The following PURG variants were observed in gnomAD, a reference collection of about 807,000 sequenced individuals.
The protein encoded by PURG is purine-rich element-binding protein gamma.
In PURG, 3 loss-of-function variants were observed where a neutral mutation model predicts 24.3. The observed-to-expected ratio is 0.12, with a 90% confidence interval of 0.06 to 0.32. PURG has a LOEUF of 0.32. PURG is among the 10% of genes least tolerant of loss of function. PURG has a pLI of 1.00. For synonymous variants in PURG, 180 were observed against 173.1 expected, an observed-to-expected ratio of 1.04 and a Z score of -0.31; for missense variants, 371 against 439.1, an observed-to-expected ratio of 0.84 and a Z score of 1.39.
rs1446521239 is a variant in PURG at position 31,032,368 on chromosome 8, C to T, written c.415G>A (p.Gly139Ser). 1.2e-6 allele frequency: 2 copies of T among 1,613,494 alleles called. No homozygotes were observed. Among genetic ancestry groups the T allele is most frequent in the South Asian group, 2.2e-5 (2 of 91,076 alleles). ...LGLKGHRQEH[G>S]HSKEQGSRRR... ...CTGGAGCCTTGCTCTTTGCTGTGGC[C>T]ATGCTCTTGCCGGTGGCCTTTCAGG... The change falls in exon 2 of 2, where the codon GGC (glycine) becomes AGC (serine). Residue 139 changes from glycine to serine, a missense_variant. By Grantham distance (56) the Gly-to-Ser change is moderately conservative. Coordinates refer to ENST00000523392, the MANE Select transcript of PURG (RefSeq NM_001323311.2). This position sits in a 1 kb window ranked among gnomAD's most constrained non-coding sequence, Gnocchi z 5.9.
chr8:31,022,015 G>A (rs1811004910), intron 1 of PURG, among the ~76,000 whole-genome samples: 1 of 147,838 alleles, frequency 6.8e-6, no homozygotes, highest in Non-Finnish European at 1.5e-5. Flanking sequence ...CCGTTGCCCA[G>A]GCAGGAGTGC....
intron 1 of PURG, among the ~76,000 whole-genome samples, chr8:31,004,665 T>G (rs1410488784): frequency 6.6e-6 from 1 of 152,050 alleles, no homozygotes; most frequent in East Asian, 1.9e-4. Context: ...AGAGCAAGAC[T>G]CTGTCTCAAA....
downstream of PURG, among the ~76,000 whole-genome samples, chr8:31,028,838 T>C (rs1447834904): frequency 6.6e-6 from 1 of 151,880 alleles, no homozygotes; most frequent in Non-Finnish European, 1.5e-5. Context: ...CTGTACCACA[T>C]TATGCTTGGA....
intron 1 of PURG, among the ~76,000 whole-genome samples, chr8:30,999,731 G>T (rs1288597232): frequency 6.6e-6 from 1 of 151,744 alleles, no homozygotes; most frequent in Non-Finnish European, 1.5e-5. Context: ...TTTCATACTG[G>T]TATAGCACAG....
rs532874218 is a variant in PURG at position 31,032,340 on chromosome 8, C to G, written c.443G>C (p.Arg148Thr). The change falls in exon 2 of 2, where the codon AGG becomes ACG. Residue 148 changes from arginine to threonine, a missense_variant. Transcript: ENST00000523392. This position sits in a 1 kb window ranked among gnomAD's most constrained non-coding sequence, Gnocchi z 5.9. ...GGAGGGTGCCGAGTGCTTCTGCCTC[C>G]TTCTGGAGCCTTGCTCTTTGCTGTG... ...HGHSKEQGSR[R>T]RQKHSAPSPP... The G allele has an allele frequency of 4.3e-6, 7 of 1,613,058 alleles. No homozygotes were observed. Among genetic ancestry groups the G allele is most frequent in the Non-Finnish European group, 5.9e-6 (7 of 1,180,024 alleles).
At chr8:31,016,335 G>A (rs1470134449) in intron 1 of PURG, among the ~76,000 whole-genome samples, 10 of 151,650 alleles carry the variant, frequency 6.6e-5, no homozygotes, top group Non-Finnish European at 1.3e-4. Context: ...AGCTGAGATC[G>A]CACCACTGCA....
At chr8:30,996,006 A>C (rs933980872) in exon 2 of PURG, 1 of 152,048 alleles carries the variant, frequency 6.6e-6, no homozygotes, top group Admixed American at 6.5e-5. Context: ...AACTGTTAAC[A>C]TGCATCACTG....
At chr8:31,003,745 G>A (rs1378122973) in intron 1 of PURG, among the ~76,000 whole-genome samples, 1 of 151,544 alleles carries the variant, frequency 6.6e-6, no homozygotes, top group African/African-American at 2.4e-5. Context: ...CTGGGTGACA[G>A]AGCAAGACTC....
intron 1 of PURG, among the ~76,000 whole-genome samples, chr8:31,003,766 A>C (rs1175400915): frequency 1.3e-5 from 2 of 152,220 alleles, no homozygotes; most frequent in African/African-American, 4.8e-5. Flanking sequence ...CATCTCAAAA[A>C]AAAACCAAAA....
intron 1 of PURG, among the ~76,000 whole-genome samples, chr8:31,012,003 C>T (rs569999566): frequency 2.6e-5 from 4 of 152,168 alleles, no homozygotes; most frequent in South Asian, 2.1e-4. Flanking sequence ...TAACAATTGT[C>T]GCCATTTAGA....
chr8:31,006,358 G>C (rs1403585799), intron 1 of PURG, among the ~76,000 whole-genome samples: 3 of 152,034 alleles, frequency 2.0e-5, no homozygotes, highest in Non-Finnish European at 4.4e-5. Flanking sequence ...ACTTTGAGAG[G>C]GCGAGGAGGG....
At chr8:31,028,829 T>G (rs930774014), downstream of PURG, among the ~76,000 whole-genome samples, 2 of 151,902 alleles carry the variant, frequency 1.3e-5, no homozygotes, top group African/African-American at 4.8e-5. Flanking sequence ...AGTTTGAGCC[T>G]GTACCACATT....
chr8:31,000,589 T>C (rs957760029), intron 1 of PURG, among the ~76,000 whole-genome samples: 1 of 152,124 alleles, frequency 6.6e-6, no homozygotes, highest in Non-Finnish European at 1.5e-5. Context: ...GGCTAAACTC[T>C]GCGGTGTAGT....
In PURG at chr8:30,999,599, T is replaced by TG. The variant is rs556516149; in HGVS notation, c.865-2903_865-2902insC. 2.5e-3 allele frequency among the ~76,000 whole-genome samples: 385 copies of TG among 152,048 alleles called. 3 individuals carry two copies. The highest frequency in any genetic ancestry group is 0.01 in the Middle Eastern group (3 of 294). ...ATAATTACTGGGAATTAGAAAAAAA[T>TG]AAAGTGGCATTAACCTTTATAATTG... On this transcript the variant is annotated intron_variant, in intron 1 of 1. Transcript: ENST00000339382.
intron 1 of PURG, among the ~76,000 whole-genome samples, chr8:31,003,778 A>G (rs886782325): frequency 6.6e-6 from 1 of 152,060 alleles, no homozygotes; most frequent in Non-Finnish European, 1.5e-5. Flanking sequence ...AAACCAAAAA[A>G]CAAAAAAACA....
chr8:31,029,156 A>G (rs1585369433), downstream of PURG, among the ~76,000 whole-genome samples: 1 of 151,990 alleles, frequency 6.6e-6, no homozygotes, highest in East Asian at 1.9e-4. Flanking sequence ...ACGGCTAATG[A>G]ATTCTTGGGA....
At chr8:31,008,866 T>C (rs139915783) in intron 1 of PURG, among the ~76,000 whole-genome samples, 4 of 152,318 alleles carry the variant, frequency 2.6e-5, no homozygotes, top group East Asian at 3.9e-4. Flanking sequence ...TTGCACTTTA[T>C]ACTAGGCCAC....
At chr8:31,021,971 C>CTTTTTTTTT (rs1011753786) in intron 1 of PURG, among the ~76,000 whole-genome samples, 2 of 136,952 alleles carry the variant, frequency 1.5e-5, no homozygotes, top group African/African-American at 2.7e-5. Flanking sequence ...TCATTTCTTT[C>CTTTTTTTTT]TTTTTTTTTT....
chr8:31,018,301 A>G (rs1374667611), intron 1 of PURG, among the ~76,000 whole-genome samples: 1 of 152,228 alleles, frequency 6.6e-6, no homozygotes, highest in Non-Finnish European at 1.5e-5. Flanking sequence ...AGTTCCAATG[A>G]TTATTTCCAA....
Sources: allele counts gnomAD v4.1 joint callset (sites outside exome capture counted in the v4.1 genomes callset), GRCh38; gene constraint gnomAD v4.1.1; non-coding constraint Gnocchi (gnomAD v3.1); transcripts MANE v1.5; gene names NCBI Gene and HGNC (gene_info 2026-07-23, HGNC 2026-07-21).